AGO3: variants seen among roughly 807,000 people sequenced by gnomAD.
AGO3 encodes protein argonaute-3.
AGO3 carries 16 observed loss-of-function variants against 105.5 expected under a neutral mutation model. The observed-to-expected ratio is 0.15, with a 90% CI of 0.10 to 0.23. AGO3 has a LOEUF of 0.23. AGO3 is among the 10% of genes least tolerant of loss of function. AGO3 has a pLI of 1.00. For missense variants in AGO3, 534 were observed against 1,088.0 expected (o/e 0.49, Z 7.16); for synonymous variants, 340 against 367.3 (o/e 0.93, Z 0.85).
At chr1:35,957,263 C>T (rs771611496) in intron 2 of AGO3, among the ~76,000 whole-genome samples, 5 of 150,950 alleles carry the variant, frequency 3.3e-5, no homozygotes, top group African/African-American at 1.2e-4. Context: ...GGCTGAGGTA[C>T]GAGAATTGCT....
intron 11 of AGO3, among the ~76,000 whole-genome samples, chr1:36,015,960 G>C (rs779030553): frequency 1.3e-5 from 2 of 152,224 alleles, no homozygotes; most frequent in Non-Finnish European, 2.9e-5. Context: ...CAGGTTCAGA[G>C]AGACTTCCAG....
chr1:35,990,054 C>T (rs1348750254), intron 5 of AGO3, among the ~76,000 whole-genome samples: 1 of 152,054 alleles, frequency 6.6e-6, no homozygotes, highest in East Asian at 1.9e-4. Flanking sequence ...GTATCATCAA[C>T]TGAAGTTTAG....
intron 5 of AGO3, among the ~76,000 whole-genome samples, chr1:35,993,738 CTT>C (rs141978570): frequency 4.4e-5 from 4 of 90,776 alleles, no homozygotes; most frequent in African/African-American, 2.0e-4. Context: ...CCACCCCCTG[CTT>C]TTTTTTTTTT....
intron 2 of AGO3, among the ~76,000 whole-genome samples, chr1:35,958,900 C>T (rs780168707): frequency 1.4e-4 from 21 of 152,170 alleles, no homozygotes; most frequent in Non-Finnish European, 2.8e-4. Flanking sequence ...TCTGTCTATA[C>T]TGTAGTGACA....
Position 35,996,355 on chromosome 1 carries a change from C to T in AGO3, c.659-7986C>T, listed in dbSNP as rs188020515. The stretch of plus-strand genomic sequence containing the variant: ...AAAAAAAAATGAAAACACAAGCTAC[C>T]GCTGAGAAAACACATTTGCAAAACG... On this transcript the variant is annotated intron_variant, in intron 5 of 18. Coordinates refer to ENST00000373191, the MANE Select transcript of AGO3 (RefSeq NM_024852.4). Among the ~76,000 whole-genome samples the T allele has an allele frequency of 1.4e-4, 21 of 151,704 alleles. No individual in the cohort carries two copies. The East Asian group carries it at 3.9e-3, about 28-fold the overall frequency.
At chr1:35,930,953 C>G (rs1017701046), upstream of AGO3, 1 of 309,092 alleles carries the variant, frequency 3.2e-6, no homozygotes, top group Admixed American at 5.1e-5. Context: ...GCATGTGGCC[C>G]GGCTCCCGGA....
intron 2 of AGO3, among the ~76,000 whole-genome samples, chr1:35,963,961 A>T (rs1646727800): frequency 6.8e-6 from 1 of 148,032 alleles, no homozygotes; most frequent in African/African-American, 2.6e-5. Context: ...GATATATTCC[A>T]TTGGAAGTTC....
chr1:36,020,539 C>G (rs1418933688), intron 11 of AGO3, among the ~76,000 whole-genome samples: 1 of 152,164 alleles, frequency 6.6e-6, no homozygotes, highest in East Asian at 1.9e-4. Context: ...TCATCTTTTC[C>G]ATTAACCTCC....
intron 2 of AGO3, among the ~76,000 whole-genome samples, chr1:35,947,300 A>G (rs775695587): frequency 2.0e-5 from 3 of 152,056 alleles, no homozygotes; most frequent in Non-Finnish European, 4.4e-5. Context: ...CTATCTGTTG[A>G]ATAGATGACT....
At chr1:35,987,944 T>A (rs1647274789) in intron 5 of AGO3, among the ~76,000 whole-genome samples, 1 of 151,826 alleles carries the variant, frequency 6.6e-6, no homozygotes, top group South Asian at 2.1e-4. Context: ...GGCGCACACC[T>A]GTAATCCCAG....
At chr1:35,961,489 A>T (rs2148764971) in intron 2 of AGO3, among the ~76,000 whole-genome samples, 1 of 152,254 alleles carries the variant, frequency 6.6e-6, no homozygotes, top group African/African-American at 2.4e-5. Flanking sequence ...TATTTTTCCT[A>T]GTTCTTTCTA....
chr1:36,009,932 CTTTTTTTTTTTTTTT>C (rs58385070), intron 9 of AGO3, among the ~76,000 whole-genome samples: 4 of 58,232 alleles, frequency 6.9e-5, no homozygotes, highest in South Asian at 7.0e-4. Context: ...TACTAAAATT[CTTTTTTTTTTTTTTT>C]TTTTTTTTTG....
At chr1:35,987,280 A>G (rs1647222095) in intron 5 of AGO3, among the ~76,000 whole-genome samples, 1 of 151,744 alleles carries the variant, frequency 6.6e-6, no homozygotes, top group Non-Finnish European at 1.5e-5. Context: ...GCGAGCCGAG[A>G]TCATGCCACT....
chr1:36,040,011 T>C (rs1346221207), intron 15 of AGO3, 27 bp downstream of exon 15: 1 of 1,578,380 alleles, frequency 6.3e-7, no homozygotes, highest in Non-Finnish European at 8.6e-7. Context: ...CTCATCAGAC[T>C]ATGGTGAAAT....
intron 1 of AGO3, among the ~76,000 whole-genome samples, chr1:35,943,866 G>C (rs1436571094): frequency 1.3e-5 from 2 of 151,872 alleles, no homozygotes; most frequent in Admixed American, 1.3e-4. Flanking sequence ...CTCCCAAAGT[G>C]CTGGGATTAC....
At chr1:35,956,663 G>A (rs116813004) in intron 2 of AGO3, among the ~76,000 whole-genome samples, 1 of 149,338 alleles carries the variant, frequency 6.7e-6, no homozygotes, top group African/African-American at 2.5e-5. Flanking sequence ...CTTTTGGAGA[G>A]GGAGTCTCGC....
In AGO3 at chr1:36,043,566, G is replaced by A. The variant is rs994896562; in HGVS notation, c.2274+18G>A. On this transcript the variant is annotated intron_variant, in intron 17 of 18. Transcript: ENST00000373191. ...GAATACAGGTAAGCCTACACTTTGG[G>A]TAAAATATTTTAATTCAAGAACTGT... is the stretch of plus-strand genomic sequence containing the variant. The A allele has an allele frequency of 6.4e-7, 1 of 1,558,634 alleles. No homozygotes were observed. The highest frequency in any genetic ancestry group is 8.7e-7 in the Non-Finnish European group (1 of 1,145,862).
rs370145732 is a variant in AGO3 at position 36,057,575 on chromosome 1, A to G, written c.*1830A>G. On this transcript the variant is annotated 3_prime_UTR_variant, in exon 19 of 19. Coordinates refer to ENST00000373191, the MANE Select transcript of AGO3 (RefSeq NM_024852.4). Reference sequence around the variant, plus strand: ...TTGTGTCTGCATCTTTACCATGGATAGTAGGAGGAACAGGCACCTCCATAG... The same window carrying G: ...TTGTGTCTGCATCTTTACCATGGATGGTAGGAGGAACAGGCACCTCCATAG... 2 of 152,340 alleles carry G rather than the reference A, an allele frequency of 1.3e-5. 1 individual carries two copies. Among genetic ancestry groups the G allele is most frequent in the Middle Eastern group, 6.8e-3 (2 of 294 alleles). The allele number at this position is 152,340 out of a possible 1,614,324, so 9.4% of individuals were successfully genotyped here. A position where few individuals can be genotyped will look rare whatever the true frequency, so the allele number is the denominator to read the frequency against.
intron 2 of AGO3, 36 bp downstream of exon 2, chr1:35,945,899 T>A (rs781069996): frequency 3.2e-6 from 5 of 1,577,730 alleles, no homozygotes; most frequent in Non-Finnish European, 4.3e-6. Context: ...CTTTTGCTAT[T>A]TTTTTCCTTA....
Sources: allele counts gnomAD v4.1 joint callset (sites outside exome capture counted in the v4.1 genomes callset), GRCh38; gene constraint gnomAD v4.1.1; transcripts MANE v1.5; gene names NCBI Gene and HGNC (gene_info 2026-07-23, HGNC 2026-07-21).